Variants in MADD observed in about 807,000 individuals in gnomAD.
MADD encodes the protein MAP kinase-activating death domain protein.
A neutral mutation model predicts 176.7 loss-of-function variants in MADD; 109 were observed. That is an observed-to-expected ratio of 0.62 (90% CI 0.53 to 0.72). The LOEUF (loss-of-function observed/expected upper bound fraction) is 0.72, where lower values mean the gene tolerates loss of function less well. Ranked by LOEUF, MADD falls within the 30% of genes least tolerant of loss-of-function variation. The pLI is 0.00. For synonymous variants in MADD, 771 were observed against 771.3 expected (o/e 1.00, Z 0.01); for missense variants, 1,914 against 2,045.5 (o/e 0.94, Z 1.24).
intron 22 of MADD, among the ~76,000 whole-genome samples, chr11:47,297,918 A>G (rs1444986366): frequency 6.7e-6 from 1 of 149,910 alleles, no homozygotes; most frequent in Non-Finnish European, 1.5e-5. Context: ...CCTCCCGAGT[A>G]GCTGGGACTA....
chr11:47,327,214 G>A (rs952480554), intron 31 of MADD: 37 of 1,003,580 alleles, frequency 3.7e-5, no homozygotes, highest in Middle Eastern at 5.0e-4. Flanking sequence ...CCCTGGCGCC[G>A]CTCTGGTCTC....
At chr11:47,276,836 A>G in exon 5 of MADD, 1 of 1,614,118 alleles carries the variant, frequency 6.2e-7, no homozygotes, top group Non-Finnish European at 8.5e-7. Context: ...TCCCGCTGCT[A>G]CCCACCTGCA....
chr11:47,295,398 A>C (rs1379009189), intron 20 of MADD, 98 bp from the exon 23 acceptor site: 1 of 924,526 alleles, frequency 1.1e-6, no homozygotes, highest in Admixed American at 1.9e-5. Context: ...ATGATAACAG[A>C]AGGGTGGGGA....
At chr11:47,269,514 G>A (rs1267908723), upstream of MADD, 1 of 152,336 alleles carries the variant, frequency 6.6e-6, no homozygotes, top group East Asian at 1.9e-4. Context: ...GGGACAGGAA[G>A]AGAAGAGCCG....
chr11:47,304,051 G>T (rs1439738930), intron 22 of MADD, among the ~76,000 whole-genome samples: 1 of 151,964 alleles, frequency 6.6e-6, no homozygotes, highest in African/African-American at 2.4e-5. Context: ...TCTCTCTTTG[G>T]AAATCCAATA....
rs181834699 is a variant in MADD, at chr11:47,293,060, G to A, written c.3302-823G>A. On this transcript the variant is annotated intron_variant, in intron 19 of 32. Transcript: ENST00000402192. ...CTTTCTGCCATACCATTGTGGGTGG[G>A]TGGGGGACAAGGGGGGTGGTTTTCA... 3.7e-3 allele frequency among the ~76,000 whole-genome samples: 561 copies of A among 152,168 alleles called. 2 individuals carry two copies. The highest frequency in any genetic ancestry group is 6.0e-3 in the Non-Finnish European group (406 of 67,992).
chr11:47,296,979 T>C (rs2139444867), intron 22 of MADD, among the ~76,000 whole-genome samples: 1 of 152,216 alleles, frequency 6.6e-6, no homozygotes, highest in South Asian at 2.1e-4. Flanking sequence ...TTCCCTCTGT[T>C]GTCTAGGCCA....
At chr11:47,311,612 T>C in intron 25 of MADD, 120 bp from the exon 29 acceptor site, 1 of 671,078 alleles carries the variant, frequency 1.5e-6, no homozygotes, top group South Asian at 1.8e-5. Context: ...TTCAGTGATG[T>C]GGTCTTTCAG....
intron 14 of MADD, among the ~76,000 whole-genome samples, chr11:47,286,116 G>A (rs1170423809): frequency 6.6e-6 from 1 of 152,190 alleles, no homozygotes; most frequent in Non-Finnish European, 1.5e-5. Flanking sequence ...CAGCCAGGGA[G>A]GGACAGTGCC....
chr11:47,284,768 A>G (rs111942203), intron 12 of MADD, among the ~76,000 whole-genome samples, 173 bp from the exon 13 acceptor site: 8 of 152,260 alleles, frequency 5.3e-5, no homozygotes, highest in African/African-American at 1.2e-4. Context: ...GGGTACAGCT[A>G]TGATCCCCCT....
rs2056843426 is a variant in MADD, at chr11:47,281,662, A to AG, written c.1380dup (p.Pro461AlafsTer3). On this transcript the variant is annotated frameshift_variant, in exon 8 of 33. Coordinates refer to ENST00000402192, the Ensembl canonical transcript of MADD. LOFTEE classifies it high-confidence loss of function. ...CCAGGAGATCCCCCTTCTCTTGGGAAGGCCTTCTAATGACCTGCAGTCCAC... is the reference window on the plus strand; with the variant it reads ...CCAGGAGATCCCCCTTCTCTTGGGAAGGGCCTTCTAATGACCTGCAGTCCAC... 6.2e-7 allele frequency: 1 copy of AG among 1,613,620 alleles called. No homozygotes were observed. Among genetic ancestry groups the AG allele is most frequent in the African/African-American group, 1.3e-5 (1 of 74,850 alleles).
intron 25 of MADD, among the ~76,000 whole-genome samples, chr11:47,310,953 A>C (rs563973141): frequency 1.3e-5 from 2 of 151,928 alleles, no homozygotes; most frequent in East Asian, 3.9e-4. Flanking sequence ...GTTTTTCAGC[A>C]CAGCCCTATA....
intron 31 of MADD, chr11:47,327,950 C>T: frequency 6.1e-6 from 6 of 985,324 alleles, no homozygotes; most frequent in Non-Finnish European, 7.2e-6. Context: ...GCCTTCTGGG[C>T]TGTGGACATG....
rs1591600106 is a variant in MADD, at chr11:47,273,880, G to C, written c.-35G>C. On this transcript the variant is annotated 5_prime_UTR_variant, in exon 2 of 33. It removes the in-frame stop codon of an upstream open reading frame in the 5' UTR. Transcript: ENST00000402192. ...ATGCTGACTCCTTGCTTGGTGCCCT[G>C]ATGCTTCTCTGAGATAAACTGATGA... is the stretch of plus-strand genomic sequence containing the variant. The C allele has an allele frequency of 6.3e-7, 1 of 1,597,966 alleles. No individual in the cohort carries two copies. Among genetic ancestry groups the C allele is most frequent in the Non-Finnish European group, 8.6e-7 (1 of 1,165,454 alleles).
Position 47,297,681 on chromosome 11 carries a change from C to A in MADD, c.3642+1626C>A, listed in dbSNP as rs565190827. On this transcript the variant is annotated intron_variant, in intron 22 of 32. Coordinates refer to ENST00000402192, the Ensembl canonical transcript of MADD. ...CAGGACGGTCTTGATCTCCTGACTTCGTGATCTGCTCGCCTTGGCCTACCA... is the reference window on the plus strand; with the variant it reads ...CAGGACGGTCTTGATCTCCTGACTTAGTGATCTGCTCGCCTTGGCCTACCA... Among the ~76,000 whole-genome samples the A allele has an allele frequency of 3.0e-4, 46 of 150,916 alleles. No homozygotes were observed. In the South Asian group the frequency reaches 4.4e-3, roughly 15 times the overall value.
chr11:47,277,156 C>A (rs2050792048), intron 5 of MADD, among the ~76,000 whole-genome samples: 1 of 152,200 alleles, frequency 6.6e-6, no homozygotes, highest in African/African-American at 2.4e-5. Context: ...ATTCCAAGAC[C>A]CACCAGTGGA....
chr11:47,274,926 G>C, exon 3 of MADD: 1 of 1,613,852 alleles, frequency 6.2e-7, no homozygotes, highest in Non-Finnish European at 8.5e-7. Context: ...GCTCATCCCT[G>C]CAGCCTCTCA....
chr11:47,277,030 A>ATTTTAG (rs2050605205), intron 5 of MADD, among the ~76,000 whole-genome samples, 167 bp downstream of exon 5: 1 of 152,148 alleles, frequency 6.6e-6, no homozygotes, highest in Non-Finnish European at 1.5e-5. Context: ...GGCTTATGCT[A>ATTTTAG]TTTTAGTTTT....
chr11:47,274,779 C>T (rs2048240717), exon 3 of MADD: 1 of 1,614,224 alleles, frequency 6.2e-7, no homozygotes, highest in Non-Finnish European at 8.5e-7. Context: ...GATATGGCAT[C>T]TGTGTTAACT....
Sources: allele counts gnomAD v4.1 joint callset (sites outside exome capture counted in the v4.1 genomes callset), GRCh38; gene constraint gnomAD v4.1.1; transcripts MANE v1.5; gene names NCBI Gene and HGNC (gene_info 2026-07-23, HGNC 2026-07-21).